Variants in P4HTM observed in about 807,000 individuals in gnomAD.
The protein encoded by P4HTM is transmembrane prolyl 4-hydroxylase.
A neutral mutation model predicts 55.3 loss-of-function variants in P4HTM; 33 were observed. The observed-to-expected ratio is 0.60, with a 90% CI of 0.45 to 0.80. The LOEUF is 0.80. Among genes scored for constraint, P4HTM ranks in the 30% least tolerant of loss-of-function variants. The pLI, the probability that P4HTM is intolerant of heterozygous loss-of-function variation, is 0.00. For synonymous variants in P4HTM, 272 were observed against 286.4 expected, an observed-to-expected ratio of 0.95 and a Z score of 0.51; for missense variants, 542 against 696.5, an observed-to-expected ratio of 0.78 and a Z score of 2.50.
intron 2 of P4HTM, among the ~76,000 whole-genome samples, chr3:48,995,326 C>G (rs2092942551): frequency 6.6e-6 from 1 of 152,190 alleles, no homozygotes; most frequent in Non-Finnish European, 1.5e-5. Context: ...ACAGAGCGTG[C>G]CTTCAGCTCC....
Position 49,001,393 on chromosome 3 carries a change from C to T in P4HTM, c.437-45C>T, listed in dbSNP as rs201760384. ...GGGAGGAAGGTACTGGGTGCACCAG[C>T]GCCCTGGCTCAGTCCTTGGCCTCAC... is the stretch of plus-strand genomic sequence containing the variant. On this transcript the variant is annotated intron_variant, in intron 2 of 8. Transcript: ENST00000383729. 41 of 1,586,838 alleles carry T rather than the reference C, an allele frequency of 2.6e-5. No individual in the cohort carries two copies. The African/African-American group carries it at 3.1e-4, about 12-fold the overall frequency.
chr3:49,004,882 G>A lies in P4HTM; in HGVS notation c.909G>A (p.Leu303=). Residue 303 remains leucine, a synonymous_variant, in exon 6 of 9, where the codon CTG becomes CTA. Coordinates refer to ENST00000383729, the MANE Select transcript of P4HTM (RefSeq NM_177939.3). The part of the protein sequence containing the change: ...IRQRVLRLTR[L]SPEIVELSEP... ...CCAGGGTGCTGCGCCTCACTCGCCTGTCGCCTGAGATCGTGGAGCTCAGCG... is the reference window on the plus strand; with the variant it reads ...CCAGGGTGCTGCGCCTCACTCGCCTATCGCCTGAGATCGTGGAGCTCAGCG... 1.9e-6 allele frequency: 3 copies of A among 1,610,654 alleles called. No homozygotes were observed. The African/African-American group carries it at 4.0e-5, about 21-fold the overall frequency.
Position 49,002,641 on chromosome 3 carries a change from C to A in P4HTM, c.724+45C>A. On this transcript the variant is annotated intron_variant, in intron 4 of 8. Coordinates refer to ENST00000383729, the MANE Select transcript of P4HTM (RefSeq NM_177939.3). This position sits in a 1 kb window ranked among gnomAD's most constrained non-coding sequence, Gnocchi z 4.4. ...CAGTCCTATCCCCGTGAGCCTCCTGCCCACTCCCAGGTGCACAATTTTGAA... is the reference window on the plus strand; with the variant it reads ...CAGTCCTATCCCCGTGAGCCTCCTGACCACTCCCAGGTGCACAATTTTGAA... 1 of 1,444,606 alleles carries A rather than the reference C, an allele frequency of 6.9e-7. No individual in the cohort carries two copies. The highest frequency in any genetic ancestry group is 9.8e-7 in the Non-Finnish European group (1 of 1,025,154). The allele number at this position is 1,444,606 out of a possible 1,614,324, so 89.5% of individuals were successfully genotyped here. A position where few individuals can be genotyped will look rare whatever the true frequency, so the allele number is the denominator to read the frequency against.
intron 2 of P4HTM, chr3:48,991,839 A>G (rs1397388493): frequency 6.6e-6 from 1 of 152,180 alleles, no homozygotes; most frequent in Non-Finnish European, 1.5e-5. Flanking sequence ...GGCCTCCGTG[A>G]CAAACATATT....
chr3:48,990,012 G>A (rs970655285), upstream of P4HTM: 4 of 187,656 alleles, frequency 2.1e-5, no homozygotes, highest in Middle Eastern at 2.2e-3. The surrounding 1 kb of genome is among the most constrained non-coding windows in gnomAD (Gnocchi z 7.2). Context: ...CTGACTTGGA[G>A]AGTGTACAGC....
chr3:48,991,342 A>AC (rs754065729), intron 2 of P4HTM: 3 of 160,406 alleles, frequency 1.9e-5, no homozygotes, highest in South Asian at 1.8e-4. Context: ...ATAAACTGGT[A>AC]CCCCCCCAGC....
In P4HTM at chr3:49,005,799, T is replaced by G. The variant is rs954451031; in HGVS notation, c.1096T>G (p.Leu366Val). 52 of 1,597,718 alleles carry G rather than the reference T, an allele frequency of 3.3e-5. No individual in the cohort carries two copies. Among genetic ancestry groups the G allele is most frequent in the Non-Finnish European group, 4.4e-5 (52 of 1,172,720 alleles). ...CAGCTACATGACAGTGCTGTTTTATTTGAACAACGTCACTGGTGGGGGCGA... is the reference window on the plus strand; with the variant it reads ...CAGCTACATGACAGTGCTGTTTTATGTGAACAACGTCACTGGTGGGGGCGA... The part of the protein sequence containing the change: ...SCRYMTVLFY[L>V]NNVTGGGETV... The change falls in exon 7 of 9, where the codon TTG (leucine) becomes GTG (valine). Residue 366 changes from leucine to valine, a missense_variant. Coordinates refer to ENST00000383729, the MANE Select transcript of P4HTM (RefSeq NM_177939.3).
At chr3:48,993,257 G>A (rs1023322369) in intron 2 of P4HTM, among the ~76,000 whole-genome samples, 6 of 148,996 alleles carry the variant, frequency 4.0e-5, no homozygotes, top group East Asian at 2.1e-4. Flanking sequence ...AGCCAAGATT[G>A]TGCCATTGCA....
At chr3:48,990,107 A>C (rs113484389), upstream of P4HTM, 3 of 678,672 alleles carry the variant, frequency 4.4e-6, no homozygotes, top group African/African-American at 5.8e-5. This position sits in a 1 kb window ranked among gnomAD's most constrained non-coding sequence, Gnocchi z 7.2. Context: ...CCCGGCGCGG[A>C]CGCAGGCGGC....
Position 49,005,232 on chromosome 3 carries a change from A to G in P4HTM, c.1073+186A>G, listed in dbSNP as rs759522895. 1.7e-5 allele frequency: 26 copies of G among 1,536,636 alleles called. No individual in the cohort carries two copies. In the African/African-American group the frequency reaches 3.1e-4, roughly 18 times the overall value. ...ACCCAATGGCTGGAAAGGGGTGGCT[A>G]CTGGTCATCGTGACCACTGGAGTCA... is the stretch of plus-strand genomic sequence containing the variant. On this transcript the variant is annotated intron_variant, in intron 6 of 8. Transcript: ENST00000383729.
In P4HTM at chr3:48,998,958, G is replaced by A. The variant is rs558321494; in HGVS notation, c.437-2480G>A. ...ATAGCTTCCACGCCTCATTGGAGAG[G>A]AGGTTCCAGCCCGCCTGCCCCCAAC... On this transcript the variant is annotated intron_variant, in intron 2 of 8. Coordinates refer to ENST00000383729, the MANE Select transcript of P4HTM (RefSeq NM_177939.3). Among the ~76,000 whole-genome samples the A allele has an allele frequency of 1.2e-4, 18 of 152,222 alleles. No individual in the cohort carries two copies. The East Asian group carries it at 3.5e-3, about 29-fold the overall frequency.
At chr3:49,003,962 G>A (rs2092969001) in intron 4 of P4HTM, 136 bp from the exon 5 acceptor site, 2 of 764,594 alleles carry the variant, frequency 2.6e-6, no homozygotes, top group Non-Finnish European at 2.1e-6. Flanking sequence ...TCCAGGTGGG[G>A]GACAAGTGTA....
chr3:49,003,828 T>G, intron 4 of P4HTM: 1 of 403,892 alleles, frequency 2.5e-6, no homozygotes, highest in Non-Finnish European at 4.5e-6. Flanking sequence ...CTCTGGCCAC[T>G]CTAATAGGGG....
At chr3:49,005,892 C>G (rs751838648) in intron 7 of P4HTM, 25 bp downstream of exon 7, 4 of 1,533,546 alleles carry the variant, frequency 2.6e-6, no homozygotes, top group Non-Finnish European at 3.5e-6. Context: ...GGCTATTACT[C>G]TTGTGGGCTG....
At chr3:48,992,826 C>T (rs1381111101) in intron 2 of P4HTM, among the ~76,000 whole-genome samples, 7 of 151,278 alleles carry the variant, frequency 4.6e-5, no homozygotes, top group Non-Finnish European at 4.4e-5. Context: ...CCACCACATC[C>T]GGCTAATTTT....
chr3:49,004,684 G>A, intron 5 of P4HTM, 177 bp from the exon 6 acceptor site: 2 of 639,398 alleles, frequency 3.1e-6, no homozygotes, highest in Admixed American at 2.8e-5. Flanking sequence ...GAGGGAGAAG[G>A]ATCATCATGA....
chr3:49,001,276 C>T, intron 2 of P4HTM, 162 bp from the exon 3 acceptor site: 1 of 683,778 alleles, frequency 1.5e-6, no homozygotes, highest in Non-Finnish European at 2.6e-6. Flanking sequence ...ACAACTCAAT[C>T]TTGACAAGTC....
At chr3:48,996,904 G>C (rs971485507) in intron 2 of P4HTM, among the ~76,000 whole-genome samples, 1 of 152,172 alleles carries the variant, frequency 6.6e-6, no homozygotes, top group Non-Finnish European at 1.5e-5. Context: ...CCACTAGCCA[G>C]GCTGTCATCC....
Position 48,990,620 on chromosome 3 carries a change from T to TCC in P4HTM, c.354+12_354+13dup. 6.5e-7 allele frequency: 1 copy of TCC among 1,541,708 alleles called. No homozygotes were observed. On this transcript the variant is annotated intron_variant, in intron 1 of 8. Coordinates refer to ENST00000383729, the MANE Select transcript of P4HTM (RefSeq NM_177939.3). The surrounding 1 kb of genome is among the most constrained non-coding windows in gnomAD (Gnocchi z 7.2). ...GCTGGAGGGCATCAAGGTGAGGACC[T>TCC]CCCTGCCCCGCCGCGCTCCAGGCCC...
Sources: gnomAD v4.1 joint callset for allele counts (sites outside exome capture counted in the v4.1 genomes callset) on GRCh38, gnomAD v4.1.1 for gene constraint, Gnocchi (gnomAD v3.1) non-coding constraint, MANE v1.5 for transcripts, NCBI Gene and HGNC (gene_info 2026-07-23, HGNC 2026-07-21) for gene names.